Variants in SETD1B observed in about 807,000 individuals in gnomAD.
SETD1B encodes the protein histone-lysine N-methyltransferase SETD1B.
SETD1B carries 7 observed loss-of-function variants against 148.0 expected under a neutral mutation model. The ratio of observed to expected loss-of-function variants is 0.05; its 90% CI spans 0.03 to 0.09. The LOEUF is 0.09. Ranked by LOEUF, SETD1B falls within the 10% of genes least tolerant of loss-of-function variation. The probability of loss-of-function intolerance (pLI) is 1.00; values close to 1 mark genes in which losing one functional copy is unlikely to be tolerated. For synonymous variants in SETD1B, 1,361 were observed against 1,186.5 expected (o/e 1.15, Z -3.02); for missense variants, 2,155 against 2,729.9 (o/e 0.79, Z 4.69).
intron 6 of SETD1B, among the ~76,000 whole-genome samples, chr12:121,811,983 G>T (rs533347749): frequency 6.6e-6 from 1 of 152,312 alleles, no homozygotes; most frequent in East Asian, 1.9e-4. Flanking sequence ...AGGCTGCCTG[G>T]GGTGAGGAGT....
the SETD1B span, chr12:121,795,151 G>A: frequency 6.6e-6 from 1 of 152,384 alleles, no homozygotes; most frequent in African/African-American, 2.4e-5. Context: ...GCAGAGCTGG[G>A]AAGGGGAGGC....
Position 121,827,503 on chromosome 12 carries a change from A to G in SETD1B, c.5338-16A>G, listed in dbSNP as rs1012726192. The G allele has an allele frequency of 2.6e-6, 4 of 1,524,752 alleles. No individual in the cohort carries two copies. In the African/African-American group the frequency reaches 4.1e-5, roughly 16 times the overall value. The allele number at this position is 1,524,752 out of a possible 1,614,324, so 94.5% of individuals were successfully genotyped here. A position where few individuals can be genotyped will look rare whatever the true frequency, so the allele number is the denominator to read the frequency against. On this transcript the variant is annotated splice_polypyrimidine_tract_variant and intron_variant, in intron 13 of 16. Transcript: ENST00000604567. ...CACGGCCAGCTCCGCTGAGCCCCGCACACCGTCCACTGCAGGGCATGAGCA... is the reference window on the plus strand; with the variant it reads ...CACGGCCAGCTCCGCTGAGCCCCGCGCACCGTCCACTGCAGGGCATGAGCA...
At position 121,814,348 on chromosome 12, in the gene SETD1B, A is replaced by G; in HGVS notation, c.2133A>G (p.Pro711=). The G allele has an allele frequency of 7.6e-6, 2 of 262,664 alleles. No individual in the cohort carries two copies. The highest frequency in any genetic ancestry group is 6.9e-6 in the Non-Finnish European group (1 of 145,918). The allele number at this position is 262,664 out of a possible 1,614,324, so 16.3% of individuals were successfully genotyped here. The change falls in exon 7 of 17, where the codon CCA becomes CCG. Residue 711 remains proline (P), a synonymous_variant. Transcript: ENST00000604567. The part of the protein sequence containing the change: ...PGFPMPPPLP[P]PPPPPPPAHP... ...TCCCCATGCCCCCACCGCTGCCCCCACCGCCGCCCCCACCCCCTCCAGCCC... is the reference window on the plus strand; with the variant it reads ...TCCCCATGCCCCCACCGCTGCCCCCGCCGCCGCCCCCACCCCCTCCAGCCC...
intron 6 of SETD1B, among the ~76,000 whole-genome samples, chr12:121,811,202 C>T (rs192257964): frequency 6.6e-6 from 1 of 152,214 alleles, no homozygotes; most frequent in African/African-American, 2.4e-5. Flanking sequence ...GCTCTTGGTC[C>T]CCTTGTCTGT....
chr12:121,817,356 C>A lies in SETD1B; in HGVS notation c.2978-14C>A. 1 of 1,531,182 alleles carries A rather than the reference C, an allele frequency of 6.5e-7. No homozygotes were observed. The highest frequency in any genetic ancestry group is 8.8e-7 in the Non-Finnish European group (1 of 1,135,018). The allele number at this position is 1,531,182 out of a possible 1,614,324, so 94.8% of individuals were successfully genotyped here. A position where few individuals can be genotyped will look rare whatever the true frequency, so the allele number is the denominator to read the frequency against. On this transcript the variant is annotated splice_polypyrimidine_tract_variant and intron_variant, in intron 8 of 16. Coordinates refer to ENST00000604567, the MANE Select transcript of SETD1B (RefSeq NM_001353345.2). The surrounding 1 kb of genome is among the most constrained non-coding windows in gnomAD (Gnocchi z 8.1). ...ATCCCCCCAGCCCAGCTCTGACTCC[C>A]TCCCTTCCTGCAGAGTCCGAGCGAG...
intron 16 of SETD1B, among the ~76,000 whole-genome samples, 165 bp downstream of exon 16, chr12:121,828,235 C>T (rs935417644): frequency 6.6e-6 from 1 of 152,258 alleles, no homozygotes; most frequent in Non-Finnish European, 1.5e-5. Flanking sequence ...GGTCTTTTAC[C>T]AGGAGCTCTA....
At chr12:121,795,909 C>G in the SETD1B span, 1 of 152,560 alleles carries the variant, frequency 6.6e-6, no homozygotes, top group African/African-American at 2.4e-5. Flanking sequence ...GAAATAAGCA[C>G]AAGTGTGCCT....
In SETD1B at chr12:121,808,794, G is replaced by C. The variant is rs550371361; in HGVS notation, c.657+474G>C. ...TCCAGGACACAGGGACAACTCTCGC[G>C]TGGGGCGAGTCTCATGCCAGCTCCT... On this transcript the variant is annotated intron_variant, in intron 5 of 16. Transcript: ENST00000604567. This position sits in a 1 kb window ranked among gnomAD's most constrained non-coding sequence, Gnocchi z 5.3. Among the ~76,000 whole-genome samples the C allele has an allele frequency of 1.3e-5, 2 of 152,216 alleles. No individual in the cohort carries two copies. The highest frequency in any genetic ancestry group is 4.8e-5 in the African/African-American group (2 of 41,462).
In SETD1B at chr12:121,823,445, C is replaced by A. The variant is rs1440885040; in HGVS notation, c.4866C>A (p.Pro1622=). 6.5e-7 allele frequency: 1 copy of A among 1,549,784 alleles called. No homozygotes were observed. Among genetic ancestry groups the A allele is most frequent in the Non-Finnish European group, 8.7e-7 (1 of 1,146,832 alleles). Residue 1622 remains proline, a synonymous_variant, in exon 12 of 17, where the codon CCC becomes CCA. Transcript: ENST00000604567. ...QWPSEAIPPG[P]RGRDEVTEEY... ...CCTCCGAGGCCATTCCTCCGGGCCC[C>A]CGTGGGCGCGATGAGGTCACTGAGG...
At position 121,817,592 on chromosome 12, in the gene SETD1B, A is replaced by T; in HGVS notation, c.3200A>T (p.Lys1067Met). 1 of 1,550,392 alleles carries T rather than the reference A, an allele frequency of 6.4e-7. No homozygotes were observed. The highest frequency in any genetic ancestry group is 8.7e-7 in the Non-Finnish European group (1 of 1,146,088). ...TCACCCTCGTCCTCGGCCTCCGACAAGGAGGAGGAACAGGAGAGCACCGAG... is the reference window on the plus strand; with the variant it reads ...TCACCCTCGTCCTCGGCCTCCGACATGGAGGAGGAACAGGAGAGCACCGAG... Reference protein sequence around the residue: ...TTSPSSSASDKEEEQESTEEE... With the variant: ...TTSPSSSASDMEEEQESTEEE... The change falls in exon 9 of 17, where the codon AAG becomes ATG. Residue 1067 changes from lysine (K) to methionine (M), a missense_variant. Around this residue, in one of 11 missense-constraint regions of SETD1B, gnomAD observed 862 missense variants for 873.8 expected, o/e 0.99. Coordinates refer to ENST00000604567, the MANE Select transcript of SETD1B (RefSeq NM_001353345.2). This position sits in a 1 kb window ranked among gnomAD's most constrained non-coding sequence, Gnocchi z 8.1.
At position 121,817,081 on chromosome 12, in the gene SETD1B, C is replaced by T. The variant is rs1323926806; in HGVS notation, c.2764C>T (p.Pro922Ser). The T allele has an allele frequency of 1.9e-6, 3 of 1,547,484 alleles. No homozygotes were observed. Among genetic ancestry groups the T allele is most frequent in the Non-Finnish European group, 1.7e-6 (2 of 1,145,388 alleles). ...KSGEHKDEDR[P>S]KPKDRIASCL... ...GGGCGAGCACAAGGACGAGGACAGG[C>T]CGAAGCCCAAGGACCGCATCGCCTC... The change falls in exon 8 of 17, where the codon CCG becomes TCG. Residue 922 changes from proline (P) to serine (S), a missense_variant. Coordinates refer to ENST00000604567, the MANE Select transcript of SETD1B (RefSeq NM_001353345.2). This position sits in a 1 kb window ranked among gnomAD's most constrained non-coding sequence, Gnocchi z 8.1.
the SETD1B span, chr12:121,793,463 T>C: frequency 6.5e-7 from 1 of 1,535,682 alleles, no homozygotes; most frequent in Non-Finnish European, 8.7e-7. Context: ...GGGGCGTCCC[T>C]CGCCCCCACC....
At chr12:121,820,293 A>T (rs1876507044) in intron 11 of SETD1B, among the ~76,000 whole-genome samples, 1 of 152,200 alleles carries the variant, frequency 6.6e-6, no homozygotes, top group African/African-American at 2.4e-5. Flanking sequence ...CCCCTCCGGC[A>T]TCGTGATGCT....
the SETD1B span, chr12:121,794,419 G>T: frequency 3.9e-5 from 6 of 152,252 alleles, no homozygotes; most frequent in Non-Finnish European, 8.8e-5. Flanking sequence ...CCTCCTTCCG[G>T]CAGGAGCCAG....
rs1281611676 is a variant in SETD1B at position 121,805,276 on chromosome 12, C to CCGAGCCCAGTCCT, written c.273+60_273+61insCGAGCCCAGTCCT. On this transcript the variant is annotated intron_variant, in intron 3 of 16. Coordinates refer to ENST00000604567, the MANE Select transcript of SETD1B (RefSeq NM_001353345.2). This position sits in a 1 kb window ranked among gnomAD's most constrained non-coding sequence, Gnocchi z 4.2. Reference sequence around the variant, plus strand: ...CCCACCTCCCCGAGTTCGAAAATAACGCCAGTCCTGACCGAGCCCAGCCGG... The same window carrying CCGAGCCCAGTCCT: ...CCCACCTCCCCGAGTTCGAAAATAACCGAGCCCAGTCCTGCCAGTCCTGACCGAGCCCAGCCGG... 1 of 1,176,070 alleles carries CCGAGCCCAGTCCT rather than the reference C, an allele frequency of 8.5e-7. No individual in the cohort carries two copies. The highest frequency in any genetic ancestry group is 1.2e-6 in the Non-Finnish European group (1 of 866,668). 72.9% of individuals were successfully genotyped at this position (1,176,070 alleles called of 1,614,324 possible).
Position 121,819,558 on chromosome 12 carries a change from G to C in SETD1B, c.3573G>C (p.Glu1191Asp). ...VVAREEEEEE[E>D]EEEMVAEESM... ...CCAGGGAAGAGGAGGAAGAAGAGGA[G>C]GAGGAGGAGATGGTGGCCGAGGAAA... is the stretch of plus-strand genomic sequence containing the variant. The change falls in exon 11 of 17, where the codon GAG (glutamate) becomes GAC (aspartate). Residue 1191 changes from glutamate to aspartate, a missense_variant. Physicochemically the swap from Glu to Asp is conservative, Grantham distance 45. Around this residue, in one of 11 missense-constraint regions of SETD1B, gnomAD observed 862 missense variants for 873.8 expected, o/e 0.99. Coordinates refer to ENST00000604567, the MANE Select transcript of SETD1B (RefSeq NM_001353345.2). 6.4e-7 allele frequency: 1 copy of C among 1,552,688 alleles called. No individual in the cohort carries two copies. Among genetic ancestry groups the C allele is most frequent in the East Asian group, 2.4e-5 (1 of 40,962 alleles).
At position 121,820,649 on chromosome 12, in the gene SETD1B, T is replaced by C. The variant is rs536241389; in HGVS notation, c.3910+754T>C. On this transcript the variant is annotated intron_variant, in intron 11 of 16. Transcript: ENST00000604567. ...CCCAGGTTCACGCCATTCTCCTGCC[T>C]CAGCCTCCAGAGTAGCTGGGACTAC... Among the ~76,000 whole-genome samples the C allele has an allele frequency of 6.6e-5, 10 of 152,306 alleles. No homozygotes were observed. The East Asian group carries it at 1.5e-3, about 23-fold the overall frequency.
At chr12:121,826,824 G>T (rs2137587542) in intron 13 of SETD1B, among the ~76,000 whole-genome samples, 1 of 152,164 alleles carries the variant, frequency 6.6e-6, no homozygotes, top group African/African-American at 2.4e-5. Context: ...ACAGGGATGG[G>T]CGGGGGGTGA....
chr12:121,812,069 A>AAAG lies in SETD1B; in HGVS notation c.1890+1234_1890+1235insAAG, dbSNP rs1159929158. On this transcript the variant is annotated intron_variant, in intron 6 of 16. Transcript: ENST00000604567. ...GCGAAAGGCAGGCTGAGGCCCCGGG[A>AAAG]GCGAGGGTCTGGGACTGCCCGGCCG... Among the ~76,000 whole-genome samples the AAAG allele has an allele frequency of 1.9e-3, 295 of 152,098 alleles. 3 individuals carry two copies. Among genetic ancestry groups the AAAG allele is most frequent in the Admixed American group, 0.018 (273 of 15,298 alleles).
Sources: gnomAD v4.1 joint callset for allele counts (sites outside exome capture counted in the v4.1 genomes callset) on GRCh38, gnomAD v4.1.1 for gene constraint, gnomAD v4.1.1 regional missense constraint, Gnocchi (gnomAD v3.1) non-coding constraint, MANE v1.5 for transcripts, NCBI Gene and HGNC (gene_info 2026-07-23, HGNC 2026-07-21) for gene names.